The following DAB1 variants were observed in gnomAD, a reference collection of about 807,000 sequenced individuals.
The protein encoded by DAB1 is disabled homolog 1.
DAB1 carries 15 observed loss-of-function variants against 64.6 expected under a neutral mutation model. The observed-to-expected ratio is 0.23, with a 90% CI of 0.16 to 0.36. DAB1 has a LOEUF of 0.36. Ranked by LOEUF, DAB1 falls within the 10% of genes least tolerant of loss-of-function variation. The pLI is 1.00. For missense variants in DAB1, 596 were observed against 706.7 expected, an observed-to-expected ratio of 0.84 and a Z score of 1.78; for synonymous variants, 235 against 251.9, an observed-to-expected ratio of 0.93 and a Z score of 0.64.
At chr1:57,878,810 A>G (rs1439051494) in intron 1 of DAB1, 1 of 152,032 alleles carries the variant, frequency 6.6e-6, no homozygotes, top group Non-Finnish European at 1.5e-5. Flanking sequence ...CCATTAACCA[A>G]ATTCACTATT....
At chr1:57,631,150 A>C (rs1297549870) in intron 7 of DAB1, among the ~76,000 whole-genome samples, 1 of 152,188 alleles carries the variant, frequency 6.6e-6, no homozygotes, top group African/African-American at 2.4e-5. Flanking sequence ...GCTCCTTCTC[A>C]ATACAAAACC....
In DAB1 at chr1:57,661,416, G is replaced by A. The variant is rs114269190; in HGVS notation, n.552-11751C>T. Among the ~76,000 whole-genome samples, 388 of 152,264 alleles carry A rather than the reference G, an allele frequency of 2.5e-3. 4 individuals carry two copies. Among genetic ancestry groups the A allele is most frequent in the African/African-American group, 9.0e-3 (372 of 41,538 alleles). ...AACTTGCATGACTATTGTGACACTC[G>A]GTTACCTTCTTGACACCAGAATCTT... On this transcript the variant is annotated intron_variant and non_coding_transcript_variant, in intron 6 of 20. Transcript: ENST00000485760.
At chr1:57,842,278 T>G (rs1653087457) in intron 1 of DAB1, among the ~76,000 whole-genome samples, 1 of 152,200 alleles carries the variant, frequency 6.6e-6, no homozygotes, top group Non-Finnish European at 1.5e-5. Context: ...GACTTCATTA[T>G]CCATACCACT....
chr1:58,269,016 AT>A (rs918984644), intron 4 of DAB1, among the ~76,000 whole-genome samples: 27 of 22,322 alleles, frequency 1.2e-3, no homozygotes, highest in Middle Eastern at 0.031. Context: ...TTTTTTATTT[AT>A]TTTTTTTTTA....
chr1:57,703,295 A>G (rs1469686783), intron 6 of DAB1, among the ~76,000 whole-genome samples: 1 of 152,198 alleles, frequency 6.6e-6, no homozygotes, highest in East Asian at 1.9e-4. Flanking sequence ...TGCGTTCGAC[A>G]AAGGTCTAAT....
chr1:58,303,219 G>C (rs1662215069), intron 4 of DAB1, among the ~76,000 whole-genome samples: 1 of 152,102 alleles, frequency 6.6e-6, no homozygotes, highest in South Asian at 2.1e-4. Context: ...GAAGGTCCCT[G>C]ATCCTGGGCT....
At chr1:58,536,866 T>C (rs576446693) in intron 1 of DAB1, 13 of 607,456 alleles carry the variant, frequency 2.1e-5, no homozygotes, top group Non-Finnish European at 3.5e-5. Flanking sequence ...TTTCGCTGAA[T>C]ACATCGCTTT....
At chr1:57,640,790 G>A (rs569042703) in intron 7 of DAB1, among the ~76,000 whole-genome samples, 5 of 152,336 alleles carry the variant, frequency 3.3e-5, no homozygotes, top group African/African-American at 9.6e-5. Context: ...CCCCAGCTGA[G>A]ACACTGATAA....
chr1:57,117,844 A>G (rs1338970128), intron 4 of DAB1, among the ~76,000 whole-genome samples: 2 of 149,086 alleles, frequency 1.3e-5, no homozygotes, highest in Non-Finnish European at 3.0e-5. Flanking sequence ...CCTAGTTATA[A>G]AAGGCTCATG....
At chr1:57,393,283 T>C (rs1237631076) in intron 1 of DAB1, among the ~76,000 whole-genome samples, 1 of 152,200 alleles carries the variant, frequency 6.6e-6, no homozygotes, top group Non-Finnish European at 1.5e-5. Context: ...GCAAAGTCAT[T>C]ACTGCCAGTG....
chr1:57,790,865 G>A (rs1408147), intron 6 of DAB1, among the ~76,000 whole-genome samples: 15,839 of 152,086 alleles, frequency 0.1, 2,870 homozygotes, highest in African/African-American at 0.37. Context: ...AGCACCTGGT[G>A]CATTACTACA....
chr1:57,944,773 A>G (rs1645159916), intron 5 of DAB1, among the ~76,000 whole-genome samples: 1 of 152,028 alleles, frequency 6.6e-6, no homozygotes, highest in Admixed American at 6.6e-5. Flanking sequence ...TATCTCATCT[A>G]TTTCTCTGTA....
intron 5 of DAB1, among the ~76,000 whole-genome samples, chr1:58,126,411 T>G (rs543457422): frequency 6.6e-6 from 1 of 151,956 alleles, no homozygotes; most frequent in Admixed American, 6.6e-5. Flanking sequence ...ACATAGCAGT[T>G]CCATGACTCC....
intron 2 of DAB1, among the ~76,000 whole-genome samples, chr1:57,284,003 C>G (rs1397803427): frequency 1.3e-5 from 2 of 152,120 alleles, no homozygotes; most frequent in Non-Finnish European, 1.5e-5. Flanking sequence ...TGTATACAGA[C>G]TTTCAGAGTA....
chr1:57,090,902 G>A (rs1251157636), intron 4 of DAB1, among the ~76,000 whole-genome samples: 1 of 152,150 alleles, frequency 6.6e-6, no homozygotes, highest in East Asian at 1.9e-4. Context: ...GAGTCTCATA[G>A]GAGCGCGAAC....
intron 5 of DAB1, among the ~76,000 whole-genome samples, chr1:57,942,064 G>T (rs1456539344): frequency 6.6e-6 from 1 of 152,184 alleles, no homozygotes; most frequent in Admixed American, 6.5e-5. Flanking sequence ...AAAGTGGACA[G>T]ATGTTTCCCA....
Position 58,533,706 on chromosome 1 carries a change from T to C in DAB1, n.33-6371A>G, listed in dbSNP as rs142452841. On this transcript the variant is annotated intron_variant and non_coding_transcript_variant, in intron 1 of 20. Coordinates refer to the DAB1 transcript ENST00000485760. ...TTAGGGGTTGAGAATAATTACGTTT[T>C]AGCAAAAGAGACAGGTGATAAAAAT... Among the ~76,000 whole-genome samples the C allele has an allele frequency of 3.8e-3, 579 of 152,274 alleles. 2 individuals carry two copies. Among genetic ancestry groups the C allele is most frequent in the African/African-American group, 0.013 (561 of 41,572 alleles).
intron 5 of DAB1, among the ~76,000 whole-genome samples, chr1:58,006,564 G>T (rs1053231002): frequency 6.6e-6 from 1 of 152,122 alleles, no homozygotes; most frequent in Non-Finnish European, 1.5e-5. Flanking sequence ...TGCACTACAA[G>T]GATTTTTCTT....
At chr1:57,163,754 G>A (rs916286176) in intron 2 of DAB1, among the ~76,000 whole-genome samples, 1 of 152,036 alleles carries the variant, frequency 6.6e-6, no homozygotes, top group African/African-American at 2.4e-5. Context: ...GAGCAGAAAG[G>A]GATTATTTTT....
Sources: allele counts gnomAD v4.1 joint callset (sites outside exome capture counted in the v4.1 genomes callset), GRCh38; gene constraint gnomAD v4.1.1; transcripts MANE v1.5; gene names NCBI Gene and HGNC (gene_info 2026-07-23, HGNC 2026-07-21).